The following CIC variants were observed in gnomAD, a reference collection of about 807,000 sequenced individuals.
The protein encoded by CIC is protein capicua homolog.
In CIC, 18 loss-of-function variants were observed where a neutral mutation model predicts 115.7. That is an observed-to-expected ratio of 0.16 (90% CI 0.11 to 0.23). The LOEUF (loss-of-function observed/expected upper bound fraction) is 0.23. CIC is among the 10% of genes least tolerant of loss of function. The probability of loss-of-function intolerance (pLI) is 1.00; values close to 1 mark genes in which losing one functional copy is unlikely to be tolerated. For missense variants in CIC, 2,000 were observed against 2,159.3 expected (o/e 0.93, Z 1.46); for synonymous variants, 1,076 against 923.0 (o/e 1.17, Z -3.01).
rs779486177 is a variant in CIC at position 42,292,217 on chromosome 19, G to A, written c.5735+10G>A. The A allele has an allele frequency of 1.2e-6, 2 of 1,613,940 alleles. No individual in the cohort carries two copies. The highest frequency in any genetic ancestry group is 3.3e-5 in the Admixed American group (2 of 60,010). Reference sequence around the variant, plus strand: ...TGCCCTCCTCCACCAGGTAATTGCAGCTGAGCCCATACTCAGAGGCCAGGG... The same window carrying A: ...TGCCCTCCTCCACCAGGTAATTGCAACTGAGCCCATACTCAGAGGCCAGGG... On this transcript the variant is annotated intron_variant, in intron 13 of 20. Transcript: ENST00000681038.
rs2038211282 is a variant in CIC, at chr19:42,292,552, T to C, written c.5903-14T>C. 3 of 1,612,146 alleles carry C rather than the reference T, an allele frequency of 1.9e-6. No individual in the cohort carries two copies. Among genetic ancestry groups the C allele is most frequent in the Non-Finnish European group, 2.5e-6 (3 of 1,179,368 alleles). On this transcript the variant is annotated splice_polypyrimidine_tract_variant and intron_variant, in intron 14 of 20. Coordinates refer to ENST00000681038, the MANE Select transcript of CIC (RefSeq NM_001386298.1). ...CCTAACTTGGTCTCCTGCTTCTTCT[T>C]CTCTGTCTTTCAGCAGGCCAAGCCC...
Position 42,270,851 on chromosome 19 carries a change from GTGTT to G in CIC, c.-10-919_-10-916del, listed in dbSNP as rs1010872837. Among the ~76,000 whole-genome samples the G allele has an allele frequency of 2.6e-5, 4 of 152,148 alleles. No homozygotes were observed. The highest frequency in any genetic ancestry group is 4.8e-5 in the African/African-American group (2 of 41,444). On this transcript the variant is annotated intron_variant, in intron 1 of 20. Transcript: ENST00000681038. This position sits in a 1 kb window ranked among gnomAD's most constrained non-coding sequence, Gnocchi z 4.1. ...TGTGCGTGCTTCTGTGCGTGTGTGT[GTGTT>G]TGTGCGCGTGCGTGTGCTCATGCAC...
At chr19:42,281,706 G>C (rs2037262141) in intron 2 of CIC, among the ~76,000 whole-genome samples, 1 of 152,200 alleles carries the variant, frequency 6.6e-6, no homozygotes, top group South Asian at 2.1e-4. Context: ...CCCAGGGCAG[G>C]GGGGCCCTTC....
At position 42,272,505 on chromosome 19, in the gene CIC, C is replaced by T. The variant is rs2036826761; in HGVS notation, c.722C>T (p.Thr241Ile). Residue 241 changes from threonine (T) to isoleucine (I), a missense_variant, in exon 2 of 21, where the codon ACT becomes ATT. By Grantham distance (89) the Thr-to-Ile change is moderately conservative. Transcript: ENST00000681038. ...GVQFPGDRAL[T>I]FYEGVPGAGV... ...CAGTTCCCTGGTGACCGAGCCCTGACTTTCTATGAGGGGGTGCCAGGCGCT... is the reference window on the plus strand; with the variant it reads ...CAGTTCCCTGGTGACCGAGCCCTGATTTTCTATGAGGGGGTGCCAGGCGCT... 2.5e-6 allele frequency: 1 copy of T among 398,514 alleles called. No homozygotes were observed. Among genetic ancestry groups the T allele is most frequent in the Non-Finnish European group, 4.4e-6 (1 of 226,070 alleles). The allele number at this position is 398,514 out of a possible 1,614,324, so 24.7% of individuals were successfully genotyped here.
Position 42,294,937 on chromosome 19 carries a change from A to G in CIC, c.7300A>G (p.Thr2434Ala), listed in dbSNP as rs770660004. Residue 2434 changes from threonine to alanine, a missense_variant, in exon 21 of 21, where the codon ACG becomes GCG. Around this residue, in one of 8 missense-constraint regions of CIC, gnomAD observed 133 missense variants for 116.0 expected, o/e 1.15. Coordinates refer to ENST00000681038, the MANE Select transcript of CIC (RefSeq NM_001386298.1). ...GAAGATCATGCAGGCTGCCACTCCC[A>G]CGGAGCAGCCCCCTGGAGCTGAGGC... ...RQKIMQAATP[T>A]EQPPGAEAPL... 5.4e-5 allele frequency: 87 copies of G among 1,600,398 alleles called. No individual in the cohort carries two copies. The highest frequency in any genetic ancestry group is 4.2e-6 in the Non-Finnish European group (5 of 1,179,920).
In CIC at chr19:42,286,847, G is replaced by A. The variant is rs767528568; in HGVS notation, c.2871G>A (p.Gln957=). ...HSLVPFLAPS[Q]PDPSVQPSEA... The stretch of plus-strand genomic sequence containing the variant: ...TAGTCCCCTTCCTGGCACCCAGCCA[G>A]CCTGACCCCTCCGTGCAGCCGAGCG... Residue 957 remains glutamine (Q), a synonymous_variant, in exon 3 of 21, where the codon CAG becomes CAA. Transcript: ENST00000681038. 4 of 1,613,764 alleles carry A rather than the reference G, an allele frequency of 2.5e-6. No individual in the cohort carries two copies. The African/African-American group carries it at 4.0e-5, about 16-fold the overall frequency.
At chr19:42,286,057 C>T (rs760538256) in intron 2 of CIC, among the ~76,000 whole-genome samples, 2 of 152,158 alleles carry the variant, frequency 1.3e-5, no homozygotes, top group South Asian at 2.1e-4. Context: ...ACAGATAAGC[C>T]GAGGGGCTGA....
intron 2 of CIC, chr19:42,284,169 C>T (rs1278124228): frequency 3.4e-5 from 5 of 147,440 alleles, no homozygotes; most frequent in Non-Finnish European, 6.1e-5. Context: ...CGGCGCTGAG[C>T]CTCGGGCCCG....
chr19:42,286,633 G>A (rs945075204), intron 2 of CIC, 138 bp from the exon 3 acceptor site: 3 of 1,023,844 alleles, frequency 2.9e-6, no homozygotes, highest in Admixed American at 1.9e-5. Context: ...TTGCATGGAC[G>A]AGTCCAAGAG....
intron 10 of CIC, 61 bp downstream of exon 10, chr19:42,290,012 G>C (rs969339542): frequency 6.8e-7 from 1 of 1,476,858 alleles, no homozygotes; most frequent in Non-Finnish European, 9.4e-7. Flanking sequence ...GGGAATGTCT[G>C]TTTCTCCCGG....
intron 19 of CIC, 30 bp downstream of exon 19, chr19:42,294,334 T>TG (rs758581129): frequency 1.9e-6 from 3 of 1,610,586 alleles, no homozygotes; most frequent in Non-Finnish European, 8.5e-7. Flanking sequence ...TTTGGGGGCC[T>TG]GGGGACCTGC....
intron 2 of CIC, among the ~76,000 whole-genome samples, chr19:42,278,511 G>A (rs1469042941): frequency 6.6e-6 from 1 of 152,186 alleles, no homozygotes; most frequent in Non-Finnish European, 1.5e-5. Flanking sequence ...GCCTTCCTGG[G>A]TTTGTCCCTC....
At position 42,273,134 on chromosome 19, in the gene CIC, G is replaced by C; in HGVS notation, c.1351G>C (p.Gly451Arg). The change falls in exon 2 of 21, where the codon GGC (glycine) becomes CGC (arginine). Residue 451 changes from glycine to arginine, a missense_variant. Gly to Arg is a moderately radical substitution (Grantham distance 125, BLOSUM62 -2). This residue lies in a region of CIC where 222 missense variants were observed against 247.7 expected (regional missense o/e 0.90). Coordinates refer to ENST00000681038, the MANE Select transcript of CIC (RefSeq NM_001386298.1). ...GCCCTGCCAGGAGGGGAGCCAGGGC[G>C]GCAGCCGCAGCAGCAGCGTGGCCTC... ...PSPCQEGSQG[G>R]SRSSSVASLE... 1 of 398,524 alleles carries C rather than the reference G, an allele frequency of 2.5e-6. No individual in the cohort carries two copies. Among genetic ancestry groups the C allele is most frequent in the African/African-American group, 2.1e-5 (1 of 48,726 alleles). 24.7% of individuals were successfully genotyped at this position (398,524 alleles called of 1,614,324 possible).
intron 2 of CIC, among the ~76,000 whole-genome samples, chr19:42,281,351 CCAGGCCTCTGGG>C: frequency 6.6e-6 from 1 of 152,274 alleles, no homozygotes; most frequent in East Asian, 1.9e-4. Flanking sequence ...GCTGCTCGCC[CCAGGCCTCTGGG>C]CAGGCCTCAG....
chr19:42,291,809 C>A, intron 12 of CIC, 64 bp downstream of exon 12: 3 of 1,588,960 alleles, frequency 1.9e-6, no homozygotes. Context: ...ATTTCTTTGT[C>A]TTTTTTTTCA....
rs587778201 is a variant in CIC, at chr19:42,293,216, C to T, written c.6457C>T (p.Arg2153Trp). The change falls in exon 16 of 21, where the codon CGG becomes TGG. Residue 2153 changes from arginine (R) to tryptophan (W), a missense_variant. Arg to Trp is a moderately radical substitution (Grantham distance 101, BLOSUM62 -3). Around this residue, in one of 8 missense-constraint regions of CIC, gnomAD observed 1,466 missense variants for 1,390.4 expected, o/e 1.05. Coordinates refer to ENST00000681038, the MANE Select transcript of CIC (RefSeq NM_001386298.1). ...GCCAGAGACCTGGACTCCCACGGCC[C>T]GGAGCAGCCCCCCACTGCCCCCACC... ...PLPETWTPTARSSPPLPPPAE... is the reference protein window; with the variant it reads ...PLPETWTPTAWSSPPLPPPAE... 1.1e-5 allele frequency: 18 copies of T among 1,596,136 alleles called. No homozygotes were observed. The highest frequency in any genetic ancestry group is 1.4e-5 in the Non-Finnish European group (17 of 1,172,616).
rs376306024 is a variant in CIC, at chr19:42,290,417, T to C, written c.4376T>C (p.Phe1459Ser). The stretch of plus-strand genomic sequence containing the variant: ...TCCTCAGCCTCGGCAGCCACCTCCT[T>C]CTCACTGGGCTCAGGAACCTTCAAG... ...ASSSASAATS[F>S]SLGSGTFKAQ... Residue 1459 changes from phenylalanine (F) to serine (S), a missense_variant, in exon 11 of 21, where the codon TTC (phenylalanine) becomes TCC (serine). Phe to Ser is a radical substitution (Grantham distance 155, BLOSUM62 -2). This residue lies in a region of CIC where 1,466 missense variants were observed against 1,390.4 expected (regional missense o/e 1.05). Transcript: ENST00000681038. 10 of 1,613,782 alleles carry C rather than the reference T, an allele frequency of 6.2e-6. No individual in the cohort carries two copies. The highest frequency in any genetic ancestry group is 1.7e-5 in the Admixed American group (1 of 60,016).
chr19:42,293,679 C>T lies in CIC; in HGVS notation c.6610C>T (p.Pro2204Ser), dbSNP rs1250417352. Residue 2204 changes from proline to serine, a missense_variant, in exon 17 of 21, where the codon CCG (proline) becomes TCG (serine). By Grantham distance (74) the Pro-to-Ser change is moderately conservative (BLOSUM62 -1). Coordinates refer to ENST00000681038, the MANE Select transcript of CIC (RefSeq NM_001386298.1). ...TGGGGAGCCTCCCACTCCTCCCAGCCCGGCCCCAGCTCCAGCTGTAGCCCC... is the reference window on the plus strand; with the variant it reads ...TGGGGAGCCTCCCACTCCTCCCAGCTCGGCCCCAGCTCCAGCTGTAGCCCC... Reference protein sequence around the residue: ...NRGEPPTPPSPAPAPAVAPGG... With the variant: ...NRGEPPTPPSSAPAPAVAPGG... 3 of 1,612,708 alleles carry T rather than the reference C, an allele frequency of 1.9e-6. No individual in the cohort carries two copies. The highest frequency in any genetic ancestry group is 1.3e-5 in the African/African-American group (1 of 74,952).
At chr19:42,285,507 T>A (rs1010157899) in intron 2 of CIC, among the ~76,000 whole-genome samples, 6 of 152,204 alleles carry the variant, frequency 3.9e-5, no homozygotes, top group African/African-American at 1.4e-4. Flanking sequence ...GGTCTACTTT[T>A]TCCTTTGTCA....
Sources: allele counts gnomAD v4.1 joint callset (sites outside exome capture counted in the v4.1 genomes callset), GRCh38; gene constraint gnomAD v4.1.1; regional missense constraint gnomAD v4.1.1; non-coding constraint Gnocchi (gnomAD v3.1); transcripts MANE v1.5; gene names NCBI Gene and HGNC (gene_info 2026-07-23, HGNC 2026-07-21).